ZFPM2: variants seen among roughly 807,000 people sequenced by gnomAD.
The protein encoded by ZFPM2 is zinc finger protein ZFPM2.
In ZFPM2, 20 loss-of-function variants were observed where a neutral mutation model predicts 98.6. The ratio of observed to expected loss-of-function variants is 0.20; its 90% CI spans 0.14 to 0.29. The LOEUF is 0.29. Ranked by LOEUF, ZFPM2 falls within the 10% of genes least tolerant of loss-of-function variation. The pLI is 1.00. For missense variants in ZFPM2, 1,310 were observed against 1,388.6 expected, an observed-to-expected ratio of 0.94 and a Z score of 0.90; for synonymous variants, 518 against 502.7, an observed-to-expected ratio of 1.03 and a Z score of -0.41.
intron 1 of ZFPM2, among the ~76,000 whole-genome samples, chr8:105,350,270 G>C (rs1333445418): frequency 2.6e-5 from 4 of 152,172 alleles, no homozygotes; most frequent in Non-Finnish European, 5.9e-5. Flanking sequence ...CGGAGAGTCT[G>C]TTAAAGTGAT....
intron 2 of ZFPM2, among the ~76,000 whole-genome samples, chr8:105,423,667 G>A (rs147293023): frequency 1.3e-5 from 2 of 152,270 alleles, no homozygotes; most frequent in East Asian, 1.9e-4. Flanking sequence ...TCTGGTTTAT[G>A]TGCCAGACAT....
rs544223570 is a variant in ZFPM2, at chr8:105,553,185, C to T, written c.302-8178C>T. The stretch of plus-strand genomic sequence containing the variant: ...AATATTACTGCCTACCCACATATTT[C>T]GTCTTCTCTATTTCTCTATAATAAA... On this transcript the variant is annotated intron_variant, in intron 3 of 7. Coordinates refer to ENST00000407775, the MANE Select transcript of ZFPM2 (RefSeq NM_012082.4). 1.2e-4 allele frequency among the ~76,000 whole-genome samples: 19 copies of T among 152,102 alleles called. No individual in the cohort carries two copies. In the East Asian group the frequency reaches 2.9e-3, roughly 23 times the overall value.
chr8:105,332,794 A>G (rs898164137), intron 1 of ZFPM2, among the ~76,000 whole-genome samples: 1 of 151,616 alleles, frequency 6.6e-6, no homozygotes, highest in Non-Finnish European at 1.5e-5. Flanking sequence ...GACAAGAGGG[A>G]ATTGTATCCT....
At chr8:105,446,743 A>G (rs913389202) in intron 3 of ZFPM2, among the ~76,000 whole-genome samples, 7 of 152,174 alleles carry the variant, frequency 4.6e-5, no homozygotes, top group Non-Finnish European at 1.0e-4. Context: ...TGGCTACAAA[A>G]AAATTTCTTC....
chr8:105,386,687 G>T (rs1158304919), intron 1 of ZFPM2, among the ~76,000 whole-genome samples: 1 of 152,160 alleles, frequency 6.6e-6, no homozygotes, highest in Non-Finnish European at 1.5e-5. Flanking sequence ...GACCCCAGCA[G>T]GTTGCCACTG....
intron 2 of ZFPM2, among the ~76,000 whole-genome samples, chr8:105,437,994 G>A (rs1159345044): frequency 6.6e-6 from 1 of 152,150 alleles, no homozygotes; most frequent in African/African-American, 2.4e-5. Flanking sequence ...AGTGAGCCGA[G>A]ATTGTGCCAC....
intron 5 of ZFPM2, among the ~76,000 whole-genome samples, chr8:105,757,423 C>T (rs2131065192): frequency 6.6e-6 from 1 of 152,036 alleles, no homozygotes; most frequent in East Asian, 1.9e-4. Flanking sequence ...TTTTAATTTC[C>T]TATATTAAAG....
chr8:105,645,995 GT>G (rs1817034080), intron 5 of ZFPM2, among the ~76,000 whole-genome samples: 1 of 150,372 alleles, frequency 6.7e-6, no homozygotes, highest in Non-Finnish European at 1.5e-5. Context: ...AGAGGTTGCA[GT>G]GAGCCGAGAT....
intron 5 of ZFPM2, among the ~76,000 whole-genome samples, chr8:105,766,311 CAT>C (rs1321371899): frequency 6.6e-6 from 1 of 151,916 alleles, no homozygotes; most frequent in Non-Finnish European, 1.5e-5. Context: ...CCTATAATTA[CAT>C]GTTATCTGTT....
chr8:105,462,241 C>T (rs1417607028), intron 3 of ZFPM2, among the ~76,000 whole-genome samples: 4 of 152,098 alleles, frequency 2.6e-5, no homozygotes, highest in Non-Finnish European at 4.4e-5. Context: ...ACCCTGGCTC[C>T]AGTCACTGGT....
At chr8:105,381,783 A>G (rs1275322063) in intron 1 of ZFPM2, among the ~76,000 whole-genome samples, 1 of 152,146 alleles carries the variant, frequency 6.6e-6, no homozygotes, top group African/African-American at 2.4e-5. Flanking sequence ...CTAGAGAACA[A>G]CTGAAGCTTC....
chr8:105,449,343 TACAC>T (rs1325695800), intron 3 of ZFPM2, among the ~76,000 whole-genome samples: 1 of 152,036 alleles, frequency 6.6e-6, no homozygotes, highest in African/African-American at 2.4e-5. Flanking sequence ...AATGCAGACA[TACAC>T]AGGTATAACA....
intron 4 of ZFPM2, among the ~76,000 whole-genome samples, chr8:105,631,986 T>G (rs552258648): frequency 6.6e-6 from 1 of 152,232 alleles, no homozygotes; most frequent in South Asian, 2.1e-4. Context: ...CTGGGAAAAA[T>G]AGGCCAGGTG....
intron 1 of ZFPM2, among the ~76,000 whole-genome samples, chr8:105,401,941 A>G (rs1226788068): frequency 1.3e-5 from 2 of 152,084 alleles, no homozygotes; most frequent in Non-Finnish European, 2.9e-5. Context: ...AGGGAACAGC[A>G]TGGTAACATG....
At chr8:105,694,308 A>G (rs1412808500) in intron 5 of ZFPM2, among the ~76,000 whole-genome samples, 9 of 151,974 alleles carry the variant, frequency 5.9e-5, no homozygotes, top group Non-Finnish European at 1.0e-4. Context: ...TTTAAGTTTC[A>G]TTATTTGCTT....
intron 4 of ZFPM2, among the ~76,000 whole-genome samples, chr8:105,582,459 A>G (rs1294257125): frequency 6.6e-6 from 1 of 152,194 alleles, no homozygotes; most frequent in African/African-American, 2.4e-5. Context: ...GGTTACTAAA[A>G]TCCTGCAATG....
At chr8:105,563,243 C>A (rs1815176567) in intron 4 of ZFPM2, among the ~76,000 whole-genome samples, 1 of 152,162 alleles carries the variant, frequency 6.6e-6, no homozygotes, top group Admixed American at 6.6e-5. Flanking sequence ...GAAATTGATA[C>A]ATGTGGATCT....
At chr8:105,668,091 A>G (rs1817522758) in intron 5 of ZFPM2, among the ~76,000 whole-genome samples, 1 of 152,202 alleles carries the variant, frequency 6.6e-6, no homozygotes, top group African/African-American at 2.4e-5. Context: ...AGTTTAATTT[A>G]CAGGCTGTGT....
intron 4 of ZFPM2, among the ~76,000 whole-genome samples, chr8:105,584,248 C>G (rs1351394544): frequency 6.6e-6 from 1 of 152,032 alleles, no homozygotes; most frequent in Non-Finnish European, 1.5e-5. Context: ...ACTTTGAAAA[C>G]ACAGGATGAC....
Sources: gnomAD v4.1 joint callset for allele counts (sites outside exome capture counted in the v4.1 genomes callset) on GRCh38, gnomAD v4.1.1 for gene constraint, MANE v1.5 for transcripts, NCBI Gene and HGNC (gene_info 2026-07-23, HGNC 2026-07-21) for gene names.